Variants in WWOX observed in about 807,000 individuals in gnomAD.
The protein encoded by WWOX is WW domain containing oxidoreductase.
WWOX carries 69 observed loss-of-function variants against 46.2 expected under a neutral mutation model. The ratio of observed to expected loss-of-function variants is 1.49; its 90% confidence interval spans 1.23 to 1.82. WWOX has a LOEUF of 1.82. Among genes scored for constraint, WWOX ranks in the 40% most tolerant of loss-of-function variants. WWOX has a pLI of 0.00. For synonymous variants in WWOX, 359 were observed against 202.6 expected, an observed-to-expected ratio of 1.77 and a Z score of -6.56; for missense variants, 919 against 542.6, an observed-to-expected ratio of 1.69 and a Z score of -6.89.
chr16:78,262,916 G>T (rs938712513), intron 5 of WWOX, among the ~76,000 whole-genome samples: 25 of 152,128 alleles, frequency 1.6e-4, no homozygotes, highest in African/African-American at 6.0e-4. Flanking sequence ...TTCCCTGAGG[G>T]CTTTGAAACA....
intron 8 of WWOX, among the ~76,000 whole-genome samples, chr16:78,639,507 G>A (rs760340628): frequency 6.6e-6 from 1 of 152,078 alleles, no homozygotes; most frequent in African/African-American, 2.4e-5. Context: ...CCTCTGGGAG[G>A]ACCTGGTGGT....
intron 8 of WWOX, among the ~76,000 whole-genome samples, chr16:78,908,678 A>T (rs1181738962): frequency 1.3e-5 from 2 of 152,050 alleles, no homozygotes; most frequent in African/African-American, 4.8e-5. Flanking sequence ...GGGTCAGGGA[A>T]TGGGGAGTAT....
intron 8 of WWOX, among the ~76,000 whole-genome samples, chr16:78,758,650 G>A (rs572879923): frequency 6.6e-6 from 1 of 152,146 alleles, no homozygotes; most frequent in Non-Finnish European, 1.5e-5. Context: ...TGGAGGTTAA[G>A]AGCTCTGGCT....
rs193125887 is a variant in WWOX, at chr16:78,386,528, C to T, written c.517-332C>T. Among the ~76,000 whole-genome samples, 242 of 152,228 alleles carry T rather than the reference C, an allele frequency of 1.6e-3. 1 individual carries two copies. The highest frequency in any genetic ancestry group is 5.5e-3 in the African/African-American group (228 of 41,532). On this transcript the variant is annotated intron_variant, in intron 5 of 8. Coordinates refer to ENST00000566780, the MANE Select transcript of WWOX (RefSeq NM_016373.4). Reference sequence around the variant, plus strand: ...TCGAGGCGTTGTCGTGCATTCCCCTCCTTACAGCGTTTTAGGATGCAGATT... The same window carrying T: ...TCGAGGCGTTGTCGTGCATTCCCCTTCTTACAGCGTTTTAGGATGCAGATT...
intron 5 of WWOX, chr16:78,280,711 A>G (rs1251448605): frequency 6.6e-6 from 1 of 152,200 alleles, no homozygotes; most frequent in Non-Finnish European, 1.5e-5. Context: ...TTAGGAAAAA[A>G]AAAGCGCAGC....
At chr16:78,596,249 T>A (rs917585001) in intron 8 of WWOX, among the ~76,000 whole-genome samples, 1 of 152,224 alleles carries the variant, frequency 6.6e-6, no homozygotes, top group African/African-American at 2.4e-5. Flanking sequence ...TGCCATCTTT[T>A]CTTTTGTTCA....
intron 8 of WWOX, among the ~76,000 whole-genome samples, chr16:78,940,157 A>C (rs1449535759): frequency 6.6e-6 from 1 of 152,184 alleles, no homozygotes; most frequent in Admixed American, 6.5e-5. Context: ...TACTTTAGGC[A>C]AATGTATGCA....
At position 78,518,004 on chromosome 16, in the gene WWOX, G is replaced by C. The variant is rs183958483; in HGVS notation, c.1056+85252G>C. The stretch of plus-strand genomic sequence containing the variant: ...CTGAAAAGAGAAGTAACAGTCCTTG[G>C]TTTGTATTCCAGCCCCCACCTTCCT... On this transcript the variant is annotated intron_variant, in intron 8 of 8. Coordinates refer to ENST00000566780, the MANE Select transcript of WWOX (RefSeq NM_016373.4). Among the ~76,000 whole-genome samples the C allele has an allele frequency of 5.2e-3, 788 of 151,790 alleles. 7 individuals are homozygous for C. Among genetic ancestry groups the C allele is most frequent in the African/African-American group, 0.018 (738 of 41,402 alleles).
At chr16:78,483,934 A>G (rs986378158) in intron 8 of WWOX, among the ~76,000 whole-genome samples, 4 of 152,204 alleles carry the variant, frequency 2.6e-5, no homozygotes, top group African/African-American at 9.7e-5. Flanking sequence ...CTGTGACAGA[A>G]CACGTGGCCC....
At chr16:78,743,796 C>G (rs2049285945) in intron 8 of WWOX, among the ~76,000 whole-genome samples, 1 of 152,156 alleles carries the variant, frequency 6.6e-6, no homozygotes, top group Non-Finnish European at 1.5e-5. Context: ...CTTTCCACAA[C>G]CAATCTGACT....
At chr16:79,077,802 G>T (rs924604439) in intron 8 of WWOX, 15 of 152,074 alleles carry the variant, frequency 9.9e-5, no homozygotes, top group Admixed American at 2.0e-4. Context: ...TTCAAAGATT[G>T]AAGTTTGTAT....
intron 8 of WWOX, among the ~76,000 whole-genome samples, chr16:78,674,772 A>G (rs2142213941): frequency 6.6e-6 from 1 of 152,288 alleles, no homozygotes; most frequent in East Asian, 1.9e-4. Context: ...TAATGGAAGG[A>G]CATGTACTCT....
At chr16:79,126,112 G>A (rs1007544477) in intron 8 of WWOX, among the ~76,000 whole-genome samples, 11 of 152,148 alleles carry the variant, frequency 7.2e-5, no homozygotes, top group Non-Finnish European at 1.3e-4. Context: ...TTTCACAGAA[G>A]AAGGGGCTTT....
chr16:78,928,296 G>C lies in WWOX; in HGVS notation c.1057-283312G>C, dbSNP rs1254594069. The stretch of plus-strand genomic sequence containing the variant: ...CGGCTCACTGCAAGCTCCGCCTCCC[G>C]GGTTCACGCCATTCTCCTGCCTCAG... On this transcript the variant is annotated intron_variant, in intron 8 of 8. Transcript: ENST00000566780. 2.7e-5 allele frequency among the ~76,000 whole-genome samples: 4 copies of C among 148,268 alleles called. No individual in the cohort carries two copies. The Admixed American group carries it at 2.7e-4, about 10-fold the overall frequency.
intron 6 of WWOX, among the ~76,000 whole-genome samples, chr16:78,399,855 G>T (rs2082370880): frequency 6.6e-6 from 1 of 152,084 alleles, no homozygotes; most frequent in South Asian, 2.1e-4. Context: ...TAATAACATG[G>T]GAACCATCTT....
chr16:78,657,131 C>T (rs980712440), intron 8 of WWOX, among the ~76,000 whole-genome samples: 23 of 152,188 alleles, frequency 1.5e-4, no homozygotes, highest in South Asian at 1.4e-3. Context: ...TTGGCCCCTG[C>T]GTCACCTTCA....
intron 8 of WWOX, among the ~76,000 whole-genome samples, chr16:78,606,092 G>A (rs988327345): frequency 2.0e-5 from 3 of 152,122 alleles, no homozygotes; most frequent in African/African-American, 4.8e-5. Flanking sequence ...TTCAGTTTAC[G>A]CTTAACATTT....
chr16:78,595,621 C>G (rs982790463), intron 8 of WWOX, among the ~76,000 whole-genome samples: 1 of 152,186 alleles, frequency 6.6e-6, no homozygotes, highest in Non-Finnish European at 1.5e-5. Flanking sequence ...CACCTGCCCC[C>G]CAGCTGACCA....
At chr16:78,769,464 C>T (rs1044224988) in intron 8 of WWOX, among the ~76,000 whole-genome samples, 5 of 152,146 alleles carry the variant, frequency 3.3e-5, no homozygotes, top group Non-Finnish European at 7.3e-5. Flanking sequence ...TCCTTGCTTG[C>T]ATTCTGTGAC....
Sources: gnomAD v4.1 joint callset for allele counts (sites outside exome capture counted in the v4.1 genomes callset) on GRCh38, gnomAD v4.1.1 for gene constraint, MANE v1.5 for transcripts, NCBI Gene and HGNC (gene_info 2026-07-23, HGNC 2026-07-21) for gene names.